MYO5A: variants seen among roughly 807,000 people sequenced by gnomAD.
MYO5A encodes the protein myosin VA.
In MYO5A, 98 loss-of-function variants were observed where a neutral mutation model predicts 249.7. The observed-to-expected ratio is 0.39, with a 90% confidence interval of 0.33 to 0.46. The LOEUF is 0.46. Among genes scored for constraint, MYO5A ranks in the 20% least tolerant of loss-of-function variants. The probability of loss-of-function intolerance (pLI) is 0.98; values close to 1 mark genes in which losing one functional copy is unlikely to be tolerated. For missense variants in MYO5A, 1,696 were observed against 2,308.8 expected, an observed-to-expected ratio of 0.73 and a Z score of 5.44; for synonymous variants, 778 against 810.6, an observed-to-expected ratio of 0.96 and a Z score of 0.68.
chr15:52,528,665 G>A, intron 1 of MYO5A, 115 bp downstream of exon 1: 1 of 1,228,746 alleles, frequency 8.1e-7, no homozygotes, highest in African/African-American at 1.6e-5. Context: ...CGCTGAAGGG[G>A]ATGGCGCTGG....
chr15:52,408,721 A>G (rs576560568), intron 6 of MYO5A, among the ~76,000 whole-genome samples: 1 of 152,352 alleles, frequency 6.6e-6, no homozygotes, highest in African/African-American at 2.4e-5. Flanking sequence ...TTTTCCACAC[A>G]TATATCTAAA....
intron 1 of MYO5A, among the ~76,000 whole-genome samples, chr15:52,487,841 C>T (rs1161217961): frequency 6.6e-6 from 1 of 152,088 alleles, no homozygotes; most frequent in African/African-American, 2.4e-5. Context: ...ATGCCCCTCA[C>T]TCACTACCCT....
At chr15:52,403,034 AT>A (rs2042830959) in intron 9 of MYO5A, among the ~76,000 whole-genome samples, 1 of 152,220 alleles carries the variant, frequency 6.6e-6, no homozygotes, top group African/African-American at 2.4e-5. Flanking sequence ...TCTGGACATT[AT>A]AAGTACTATT....
At position 52,343,145 on chromosome 15, in the gene MYO5A, C is replaced by G; in HGVS notation, c.4012G>C (p.Val1338Leu). Residue 1338 changes from valine to leucine, a missense_variant, in exon 31 of 42, where the codon GTT becomes CTT. Physicochemically the swap from Val to Leu is conservative, Grantham distance 32 (BLOSUM62 1). Coordinates refer to ENST00000399233, the MANE Select transcript of MYO5A (RefSeq NM_001382347.1). Reference sequence around the variant, plus strand: ...TTGGCTTGTTTTAACCCTTCATAAACCAGCCACAGCTCTCCATCCTCATTC... The same window carrying G: ...TTGGCTTGTTTTAACCCTTCATAAAGCAGCCACAGCTCTCCATCCTCATTC... ...ELNEDGELWL[V>L]YEGLKQANRL... 1 of 1,613,800 alleles carries G rather than the reference C, an allele frequency of 6.2e-7. No homozygotes were observed. The highest frequency in any genetic ancestry group is 8.5e-7 in the Non-Finnish European group (1 of 1,179,720).
chr15:52,488,597 A>T (rs2076871341), intron 1 of MYO5A, among the ~76,000 whole-genome samples: 1 of 152,210 alleles, frequency 6.6e-6, no homozygotes, highest in Non-Finnish European at 1.5e-5. Flanking sequence ...CACACATTTG[A>T]TCAGAAATGT....
intron 1 of MYO5A, among the ~76,000 whole-genome samples, chr15:52,487,078 C>T (rs4776050): frequency 0.15 from 22,883 of 152,172 alleles, 1,834 homozygotes; most frequent in Middle Eastern, 0.22. Flanking sequence ...ATAGGTCATA[C>T]GACACAAAAT....
intron 1 of MYO5A, among the ~76,000 whole-genome samples, chr15:52,448,191 T>C (rs903922977): frequency 1.3e-4 from 20 of 152,222 alleles, no homozygotes; most frequent in Non-Finnish European, 2.9e-5. Context: ...GCCCAAGGCC[T>C]TGTGGGCCCA....
At chr15:52,474,916 A>C (rs2076558789) in intron 1 of MYO5A, among the ~76,000 whole-genome samples, 1 of 152,196 alleles carries the variant, frequency 6.6e-6, no homozygotes, top group African/African-American at 2.4e-5. Flanking sequence ...TGAGTTAGGG[A>C]GGATTCCCTC....
intron 1 of MYO5A, among the ~76,000 whole-genome samples, chr15:52,501,660 G>A (rs2077160263): frequency 1.3e-5 from 2 of 151,804 alleles, no homozygotes; most frequent in East Asian, 1.9e-4. Context: ...TACACTACTT[G>A]AAAAAAGAAA....
Position 52,312,770 on chromosome 15 carries a change from C to T in MYO5A, c.*926G>A, listed in dbSNP as rs888799448. On this transcript the variant is annotated 3_prime_UTR_variant, in exon 42 of 42. Coordinates refer to ENST00000399233, the MANE Select transcript of MYO5A (RefSeq NM_001382347.1). ...TAAGTCACTTCACAGAACACTGTAC[C>T]CTGACGCAATATCCACCCAGGGAAA... 4 of 152,164 alleles carry T rather than the reference C, an allele frequency of 2.6e-5. No homozygotes were observed. The highest frequency in any genetic ancestry group is 4.8e-5 in the African/African-American group (2 of 41,428). The allele number at this position is 152,164 out of a possible 1,614,324, so 9.4% of individuals were successfully genotyped here.
intron 1 of MYO5A, among the ~76,000 whole-genome samples, chr15:52,489,390 C>A (rs1162535718): frequency 2.0e-5 from 3 of 151,946 alleles, no homozygotes; most frequent in African/African-American, 7.3e-5. Context: ...CAGTGAAACC[C>A]CGTCTCTACT....
At chr15:52,476,046 A>C (rs2076584033) in intron 1 of MYO5A, among the ~76,000 whole-genome samples, 1 of 152,102 alleles carries the variant, frequency 6.6e-6, no homozygotes, top group South Asian at 2.1e-4. Context: ...TAGGTCTCTA[A>C]GGACTTGCTT....
At chr15:52,453,116 C>T (rs2076052993) in intron 1 of MYO5A, among the ~76,000 whole-genome samples, 1 of 151,784 alleles carries the variant, frequency 6.6e-6, no homozygotes, top group Non-Finnish European at 1.5e-5. Context: ...TGAGGCTACC[C>T]CAAGACATAT....
At chr15:52,509,279 A>T (rs1236361834) in intron 1 of MYO5A, among the ~76,000 whole-genome samples, 1 of 151,626 alleles carries the variant, frequency 6.6e-6, no homozygotes, top group Non-Finnish European at 1.5e-5. Flanking sequence ...GCCAGATTAA[A>T]CTCTTTTTTA....
At chr15:52,497,979 A>C (rs893278394) in intron 1 of MYO5A, among the ~76,000 whole-genome samples, 1 of 152,104 alleles carries the variant, frequency 6.6e-6, no homozygotes, top group Non-Finnish European at 1.5e-5. Context: ...TACATCCTTA[A>C]ATCATATATT....
chr15:52,454,051 T>C (rs1375035024), intron 1 of MYO5A, among the ~76,000 whole-genome samples: 1 of 151,780 alleles, frequency 6.6e-6, no homozygotes, highest in Non-Finnish European at 1.5e-5. Context: ...AATTCTCCAA[T>C]CAAAAAAGAT....
chr15:52,524,060 T>C (rs1487739701), intron 1 of MYO5A, among the ~76,000 whole-genome samples: 1 of 152,172 alleles, frequency 6.6e-6, no homozygotes, highest in Non-Finnish European at 1.5e-5. Flanking sequence ...GAATGGAAAG[T>C]TACACATATA....
intron 1 of MYO5A, among the ~76,000 whole-genome samples, chr15:52,511,334 C>A (rs2077385674): frequency 6.6e-6 from 1 of 152,202 alleles, no homozygotes; most frequent in Admixed American, 6.5e-5. Flanking sequence ...TAAATAACTC[C>A]TTTTCAGATC....
intron 1 of MYO5A, among the ~76,000 whole-genome samples, chr15:52,449,273 G>T (rs1382505538): frequency 6.6e-6 from 1 of 151,962 alleles, no homozygotes; most frequent in Non-Finnish European, 1.5e-5. Flanking sequence ...CCGGCCTCAG[G>T]TATTTCTTTA....
Sources: gnomAD v4.1 joint callset for allele counts (sites outside exome capture counted in the v4.1 genomes callset) on GRCh38, gnomAD v4.1.1 for gene constraint, MANE v1.5 for transcripts, NCBI Gene and HGNC (gene_info 2026-07-23, HGNC 2026-07-21) for gene names.